Variants in RPL14 observed in about 807,000 individuals in gnomAD.
The protein encoded by RPL14 is ribosomal protein L14.
Under a neutral mutation model 25.3 loss-of-function variants are expected in RPL14, and 4 were observed. That is an observed-to-expected ratio of 0.16 (90% confidence interval 0.08 to 0.36). The LOEUF (loss-of-function observed/expected upper bound fraction) is 0.36. Among genes scored for constraint, RPL14 ranks in the 10% least tolerant of loss-of-function variants. The probability of loss-of-function intolerance (pLI) is 1.00; values close to 1 mark genes in which losing one functional copy is unlikely to be tolerated. For missense variants in RPL14, 212 were observed against 261.9 expected (o/e 0.81, Z 1.31); for synonymous variants, 75 against 89.8 (o/e 0.84, Z 0.93).
In RPL14 at chr3:40,459,808, G is replaced by A. The variant is rs530097296; in HGVS notation, c.200+1072G>A. Reference sequence around the variant, plus strand: ...CGGGAGGCGGAGCTTGCAGTGAGCCGAGATCGCAACACTGCACTCCAGCCT... The same window carrying A: ...CGGGAGGCGGAGCTTGCAGTGAGCCAAGATCGCAACACTGCACTCCAGCCT... On this transcript the variant is annotated intron_variant, in intron 3 of 5. Coordinates refer to ENST00000396203, the MANE Select transcript of RPL14 (RefSeq NM_001034996.3). Among the ~76,000 whole-genome samples the A allele has an allele frequency of 1.8e-4, 24 of 133,442 alleles. No individual in the cohort carries two copies. The East Asian group carries it at 4.0e-3, about 22-fold the overall frequency. 87.5% of individuals were successfully genotyped at this position (133,442 alleles called of 152,430 possible). A position where few individuals can be genotyped will look rare whatever the true frequency, so the allele number is the denominator to read the frequency against.
At position 40,467,545 on chromosome 3, in the gene RPL14, G is replaced by C. The variant is rs1422282787; in HGVS notation, c.*5313G>C. 3.3e-5 allele frequency: 5 copies of C among 152,368 alleles called. No homozygotes were observed. Among genetic ancestry groups the C allele is most frequent in the African/African-American group, 1.2e-4 (5 of 41,440 alleles). 9.4% of individuals were successfully genotyped at this position (152,368 alleles called of 1,614,324 possible). A position where few individuals can be genotyped will look rare whatever the true frequency, so the allele number is the denominator to read the frequency against. On this transcript the variant is annotated 3_prime_UTR_variant, in exon 6 of 6. Transcript: ENST00000396203. ...TCCGTGGATAGGATGATGCCCACCT[G>C]CATTGGTGAAGGTCATCTTTACTCA...
Position 40,465,783 on chromosome 3 carries a change from A to G in RPL14, c.*3551A>G, listed in dbSNP as rs992902710. 1 of 152,256 alleles carries G rather than the reference A, an allele frequency of 6.6e-6. No homozygotes were observed. Among genetic ancestry groups the G allele is most frequent in the Non-Finnish European group, 1.5e-5 (1 of 68,074 alleles). The allele number at this position is 152,256 out of a possible 1,614,324, so 9.4% of individuals were successfully genotyped here. A position where few individuals can be genotyped will look rare whatever the true frequency, so the allele number is the denominator to read the frequency against. On this transcript the variant is annotated 3_prime_UTR_variant, in exon 6 of 6. Transcript: ENST00000396203. ...CAAGCTGCACCTAGAAAACAGTGCA[A>G]TACAGAACAGTGGAAATTGGAAATT...
rs1356216976 is a variant in RPL14 at position 40,466,709 on chromosome 3, A to AT, written c.*4478dup. 3 of 152,182 alleles carry AT rather than the reference A, an allele frequency of 2.0e-5. No individual in the cohort carries two copies. Among genetic ancestry groups the AT allele is most frequent in the Non-Finnish European group, 4.4e-5 (3 of 68,040 alleles). 9.4% of individuals were successfully genotyped at this position (152,182 alleles called of 1,614,324 possible). A position where few individuals can be genotyped will look rare whatever the true frequency, so the allele number is the denominator to read the frequency against. Reference sequence around the variant, plus strand: ...GCTTGTGAAAGTGAGGACAGGATCTATCCTCAACACCTAGTGCAATTCTTT... The same window carrying AT: ...GCTTGTGAAAGTGAGGACAGGATCTATTCCTCAACACCTAGTGCAATTCTTT... On this transcript the variant is annotated 3_prime_UTR_variant, in exon 6 of 6. Coordinates refer to ENST00000396203, the MANE Select transcript of RPL14 (RefSeq NM_001034996.3).
At position 40,463,362 on chromosome 3, in the gene RPL14, C is replaced by T. The variant is rs1024945676; in HGVS notation, c.*1130C>T. Reference sequence around the variant, plus strand: ...TTGGGACTATAGGTGTGTGCCACCACGTCTGGCTAGTTTTTGTATTTTTAG... The same window carrying T: ...TTGGGACTATAGGTGTGTGCCACCATGTCTGGCTAGTTTTTGTATTTTTAG... On this transcript the variant is annotated 3_prime_UTR_variant, in exon 6 of 6. Coordinates refer to ENST00000396203, the MANE Select transcript of RPL14 (RefSeq NM_001034996.3). The T allele has an allele frequency of 3.3e-5, 5 of 152,140 alleles. No individual in the cohort carries two copies. Among genetic ancestry groups the T allele is most frequent in the South Asian group, 4.1e-4 (2 of 4,828 alleles). The allele number at this position is 152,140 out of a possible 1,614,324, so 9.4% of individuals were successfully genotyped here.
chr3:40,460,469 C>T (rs971738806), intron 3 of RPL14, among the ~76,000 whole-genome samples: 4 of 151,488 alleles, frequency 2.6e-5, no homozygotes, highest in African/African-American at 4.9e-5. Flanking sequence ...AGTGAGCCAA[C>T]GTTGCGCCAG....
chr3:40,461,344 G>A, intron 3 of RPL14, 63 bp from the exon 4 acceptor site: 2 of 1,323,310 alleles, frequency 1.5e-6, no homozygotes, highest in Non-Finnish European at 1.1e-6. Flanking sequence ...AACAAAGAAA[G>A]TGTCTTTGAT....
At position 40,463,901 on chromosome 3, in the gene RPL14, A is replaced by G. The variant is rs1696988925; in HGVS notation, c.*1669A>G. On this transcript the variant is annotated 3_prime_UTR_variant, in exon 6 of 6. Transcript: ENST00000396203. ...TCTGTTTCTCTCTACCACAAGATACAGGTAATTTGGGGCAGTAAAAGATCC... is the reference window on the plus strand; with the variant it reads ...TCTGTTTCTCTCTACCACAAGATACGGGTAATTTGGGGCAGTAAAAGATCC... The G allele has an allele frequency of 2.0e-5, 3 of 153,348 alleles. No homozygotes were observed. The highest frequency in any genetic ancestry group is 2.0e-4 in the South Asian group (1 of 4,934). 9.5% of individuals were successfully genotyped at this position (153,348 alleles called of 1,614,324 possible). A position where few individuals can be genotyped will look rare whatever the true frequency, so the allele number is the denominator to read the frequency against.
At chr3:40,457,590 G>C (rs1187971407) in intron 1 of RPL14, 116 bp downstream of exon 1, 2 of 845,914 alleles carry the variant, frequency 2.4e-6, no homozygotes. Context: ...CGCGCCTTGG[G>C]CCACGCGTGC....
At position 40,462,376 on chromosome 3, in the gene RPL14, T is replaced by A; in HGVS notation, c.*144T>A. 3 of 160,154 alleles carry A rather than the reference T, an allele frequency of 1.9e-5. No homozygotes were observed. Among genetic ancestry groups the A allele is most frequent in the Admixed American group, 2.3e-4 (1 of 4,434 alleles). 9.9% of individuals were successfully genotyped at this position (160,154 alleles called of 1,614,324 possible). A position where few individuals can be genotyped will look rare whatever the true frequency, so the allele number is the denominator to read the frequency against. On this transcript the variant is annotated 3_prime_UTR_variant, in exon 6 of 6. Transcript: ENST00000396203. ...ATAAACATTAAATAATCAGTTCCTT[T>A]TTTTTTTTTTTTTTTTTTGAGATGG...
intron 2 of RPL14, chr3:40,458,438 AATG>A (rs1696878326): frequency 1.7e-6 from 1 of 584,028 alleles, no homozygotes; most frequent in East Asian, 2.9e-5. Flanking sequence ...AGGAGCATTT[AATG>A]ATGTGGAGAA....
chr3:40,464,433 T>C lies in RPL14; in HGVS notation c.*2201T>C, dbSNP rs1696998007. On this transcript the variant is annotated 3_prime_UTR_variant, in exon 6 of 6. Coordinates refer to ENST00000396203, the MANE Select transcript of RPL14 (RefSeq NM_001034996.3). ...CTACTCTGGGAGGTAGAGAATTGTC[T>C]AGAGAAAGTGGCATCTATACCTAAA... 4.4e-6 allele frequency: 2 copies of C among 455,888 alleles called. No individual in the cohort carries two copies. The highest frequency in any genetic ancestry group is 2.3e-5 in the Admixed American group (1 of 42,554). The allele number at this position is 455,888 out of a possible 1,614,324, so 28.2% of individuals were successfully genotyped here.
intron 3 of RPL14, chr3:40,459,020 T>A (rs898360654): frequency 1.0e-4 from 31 of 309,702 alleles, no homozygotes; most frequent in Admixed American, 4.3e-4. Flanking sequence ...CTACAAAAAA[T>A]AAAAAAAAAA....
intron 2 of RPL14, chr3:40,458,413 C>G: frequency 1.8e-6 from 1 of 566,084 alleles, no homozygotes; most frequent in Non-Finnish European, 3.1e-6. Context: ...CTATGGGGTA[C>G]TATATAGTTT....
chr3:40,457,664 T>C, intron 1 of RPL14, 190 bp downstream of exon 1: 1 of 657,126 alleles, frequency 1.5e-6, no homozygotes, highest in Non-Finnish European at 2.6e-6. Context: ...TGTCCTGCCG[T>C]GTGGGCCTTG....
chr3:40,462,151 G>C lies in RPL14; in HGVS notation c.567G>C (p.Ala189=). The C allele has an allele frequency of 6.2e-7, 1 of 1,612,798 alleles. No individual in the cohort carries two copies. The highest frequency in any genetic ancestry group is 8.5e-7 in the Non-Finnish European group (1 of 1,179,438). Reference sequence around the variant, plus strand: ...AGAAAGCCACAGGCCAGAAAGCAGCGCCTGCTCCAAAAGCTCAGAAGGGTC... The same window carrying C: ...AGAAAGCCACAGGCCAGAAAGCAGCCCCTGCTCCAAAAGCTCAGAAGGGTC... ...PAQKATGQKA[A]PAPKAQKGQK... is the part of the protein sequence containing the mutation. The change falls in exon 6 of 6, where the codon GCG becomes GCC. Residue 189 remains alanine (A), a synonymous_variant. Coordinates refer to ENST00000396203, the MANE Select transcript of RPL14 (RefSeq NM_001034996.3).
In RPL14 at chr3:40,462,173, G is replaced by T. The variant is rs554565679; in HGVS notation, c.589G>T (p.Gly197Cys). Residue 197 changes from glycine to cysteine, a missense_variant, in exon 6 of 6, where the codon GGT becomes TGT. By Grantham distance (159) the Gly-to-Cys change is radical. Around this residue, in one of 3 missense-constraint regions of RPL14, gnomAD observed 66 missense variants for 62.6 expected, o/e 1.05. Coordinates refer to ENST00000396203, the MANE Select transcript of RPL14 (RefSeq NM_001034996.3). Reference sequence around the variant, plus strand: ...AGCGCCTGCTCCAAAAGCTCAGAAGGGTCAAAAAGCTCCAGCCCAGAAAGC... The same window carrying T: ...AGCGCCTGCTCCAAAAGCTCAGAAGTGTCAAAAAGCTCCAGCCCAGAAAGC... ...KAAPAPKAQK[G>C]QKAPAQKAPA... 1.6e-5 allele frequency: 26 copies of T among 1,610,352 alleles called. No individual in the cohort carries two copies. Among genetic ancestry groups the T allele is most frequent in the Non-Finnish European group, 2.2e-5 (26 of 1,178,878 alleles).
intron 2 of RPL14, 92 bp downstream of exon 2, chr3:40,458,083 G>T: frequency 9.5e-7 from 1 of 1,057,872 alleles, no homozygotes; most frequent in Non-Finnish European, 1.5e-6. Flanking sequence ...GTAAGATGAG[G>T]ATGCTATGGG....
At chr3:40,460,439 A>G (rs963013025) in intron 3 of RPL14, among the ~76,000 whole-genome samples, 2 of 151,928 alleles carry the variant, frequency 1.3e-5, no homozygotes, top group African/African-American at 4.8e-5. Flanking sequence ...AATTGCTAGA[A>G]CCTAGGAAGC....
intron 3 of RPL14, among the ~76,000 whole-genome samples, chr3:40,460,909 G>A (rs1003387615): frequency 6.6e-6 from 1 of 151,178 alleles, no homozygotes; most frequent in Non-Finnish European, 1.5e-5. Flanking sequence ...TTCATAAAAT[G>A]GGCTGGGCTG....
Sources: gnomAD v4.1 joint callset for allele counts (sites outside exome capture counted in the v4.1 genomes callset) on GRCh38, gnomAD v4.1.1 for gene constraint, gnomAD v4.1.1 regional missense constraint, MANE v1.5 for transcripts, NCBI Gene and HGNC (gene_info 2026-07-23, HGNC 2026-07-21) for gene names.